Variants in HTR2C observed in about 807,000 individuals in gnomAD.
HTR2C encodes 5-hydroxytryptamine (serotonin) receptor 2C, G protein-coupled.
Under a neutral mutation model 21.0 loss-of-function variants are expected in HTR2C, and 5 were observed. The ratio of observed to expected loss-of-function variants is 0.24; its 90% CI spans 0.12 to 0.50. The LOEUF (loss-of-function observed/expected upper bound fraction) is 0.50, where lower values mean the gene tolerates loss of function less well. HTR2C is among the 20% of genes least tolerant of loss of function. The pLI is 0.98. For missense variants in HTR2C, 271 were observed against 371.2 expected (o/e 0.73, Z 2.22); for synonymous variants, 150 against 145.3 (o/e 1.03, Z -0.23).
intron 4 of HTR2C, among the ~76,000 whole-genome samples, chrX:114,830,914 T>C (rs1556460607): frequency 2.6e-5 from 2 of 78,002 alleles, no homozygotes. Context: ...GATCTCATTG[T>C]TCAATTCCCA....
intron 4 of HTR2C, among the ~76,000 whole-genome samples, chrX:114,846,029 A>G (rs1268985347): frequency 5.4e-5 from 6 of 110,824 alleles, no homozygotes; most frequent in Non-Finnish European, 7.6e-5. Flanking sequence ...AATTAAAAGG[A>G]TTATAAAACA....
At position 114,883,347 on chromosome X, in the gene HTR2C, A is replaced by G. The variant is rs782082294; in HGVS notation, c.551-23242A>G. Among the ~76,000 whole-genome samples, 55 of 110,338 alleles carry G rather than the reference A, an allele frequency of 5.0e-4. 1 individual carries two copies. Among genetic ancestry groups the G allele is most frequent in the African/African-American group, 1.6e-3 (48 of 30,625 alleles). On this transcript the variant is annotated intron_variant, in intron 5 of 5. Transcript: ENST00000276198. ...TGGTCAATCTAACCAAAAGATTGTCAATCTTGTTGAGCTTTTCAAGAGTCA... is the reference window on the plus strand; with the variant it reads ...TGGTCAATCTAACCAAAAGATTGTCGATCTTGTTGAGCTTTTCAAGAGTCA...
intron 5 of HTR2C, among the ~76,000 whole-genome samples, chrX:114,902,588 T>C (rs1158491819): frequency 5.4e-5 from 6 of 110,516 alleles, no homozygotes; most frequent in African/African-American, 2.0e-4. Context: ...TGTTTTACAG[T>C]TTTGAAAATT....
chrX:114,640,096 T>A (rs1930036128), intron 2 of HTR2C, among the ~76,000 whole-genome samples: 2 of 111,629 alleles, frequency 1.8e-5, no homozygotes, highest in African/African-American at 6.5e-5. Context: ...CATTTTTTGT[T>A]CGACACATAT....
At chrX:114,791,706 A>G (rs782388053) in intron 4 of HTR2C, among the ~76,000 whole-genome samples, 15 of 111,482 alleles carry the variant, frequency 1.3e-4, no homozygotes, top group African/African-American at 3.9e-4. Context: ...AACAAAAAGC[A>G]TAGTACTTAC....
chrX:114,894,265 C>T (rs888183872), intron 5 of HTR2C, among the ~76,000 whole-genome samples: 3 of 111,563 alleles, frequency 2.7e-5, no homozygotes, highest in African/African-American at 6.5e-5. Flanking sequence ...ATATATCAAA[C>T]GTTTATCAAC....
chrX:114,630,252 T>G (rs1364272951), intron 2 of HTR2C, among the ~76,000 whole-genome samples: 1 of 112,002 alleles, frequency 8.9e-6, no homozygotes, highest in Non-Finnish European at 1.9e-5. Flanking sequence ...AAAGCAACTT[T>G]TCTTTTGTAA....
At chrX:114,806,833 CCA>C (rs1172226634) in intron 4 of HTR2C, among the ~76,000 whole-genome samples, 1 of 98,361 alleles carries the variant, frequency 1.0e-5, no homozygotes, top group African/African-American at 3.7e-5. Flanking sequence ...TATATATACA[CCA>C]CATATATACA....
intron 4 of HTR2C, among the ~76,000 whole-genome samples, chrX:114,806,551 C>A (rs150665572): frequency 0.54 from 31,678 of 58,286 alleles, 8,661 homozygotes; most frequent in East Asian, 0.82. Flanking sequence ...CGTATATATA[C>A]CATATATACC....
At chrX:114,809,834 A>G (rs2070514764) in intron 4 of HTR2C, among the ~76,000 whole-genome samples, 2 of 111,058 alleles carry the variant, frequency 1.8e-5, no homozygotes, top group South Asian at 7.7e-4. Context: ...CCTTTCCTCA[A>G]TCAGAAAGAG....
At chrX:114,835,496 A>G in intron 4 of HTR2C, among the ~76,000 whole-genome samples, 2 of 109,186 alleles carry the variant, frequency 1.8e-5, no homozygotes, top group Non-Finnish European at 3.8e-5. Flanking sequence ...AGTTGATCGC[A>G]TCGGCTCCTG....
At chrX:114,762,891 T>C (rs782208800) in intron 4 of HTR2C, among the ~76,000 whole-genome samples, 23 of 112,213 alleles carry the variant, frequency 2.0e-4, no homozygotes, top group Non-Finnish European at 3.8e-4. Context: ...ACCCCTGTGC[T>C]AACAAAGGTC....
chrX:114,725,797 G>A (rs1397951362), intron 2 of HTR2C, among the ~76,000 whole-genome samples: 1 of 111,010 alleles, frequency 9.0e-6, no homozygotes, highest in African/African-American at 3.3e-5. Flanking sequence ...GTCTGCCCCT[G>A]CTAGGGGGTG....
Position 114,812,665 on chromosome X carries a change from G to T in HTR2C, c.350-35338G>T, listed in dbSNP as rs781857163. On this transcript the variant is annotated intron_variant, in intron 4 of 5. Transcript: ENST00000276198. ...AATTGCTTGAACCCAAGAGGTGGAG[G>T]TTACAGTGACCCGAGATTGCGCCAC... 7.9e-4 allele frequency among the ~76,000 whole-genome samples: 87 copies of T among 109,741 alleles called. 1 individual carries two copies. The highest frequency in any genetic ancestry group is 1.3e-3 in the Non-Finnish European group (68 of 52,731).
chrX:114,871,262 G>T (rs1602899213), intron 5 of HTR2C, among the ~76,000 whole-genome samples: 1 of 111,197 alleles, frequency 9.0e-6, no homozygotes, highest in East Asian at 2.8e-4. Context: ...TTAATTTCTA[G>T]TTTTATTCTA....
intron 4 of HTR2C, among the ~76,000 whole-genome samples, chrX:114,787,652 A>C (rs981741486): frequency 8.9e-6 from 1 of 112,040 alleles, no homozygotes; most frequent in Admixed American, 9.4e-5. Context: ...ACTAAATTAG[A>C]AGTCTTCAAA....
chrX:114,766,958 G>A (rs1403720381), intron 4 of HTR2C, among the ~76,000 whole-genome samples: 3 of 111,277 alleles, frequency 2.7e-5, no homozygotes, highest in Non-Finnish European at 5.7e-5. Flanking sequence ...TAAAGGAAGA[G>A]CATCAACAAG....
intron 2 of HTR2C, among the ~76,000 whole-genome samples, chrX:114,705,902 T>G (rs1932758914): frequency 1.7e-5 from 1 of 60,396 alleles, no homozygotes; most frequent in African/African-American, 5.5e-5. Context: ...GCGAAGGACA[T>G]GAACAGACAC....
intron 5 of HTR2C, among the ~76,000 whole-genome samples, chrX:114,875,657 C>A (rs2071127711): frequency 9.0e-6 from 1 of 110,592 alleles, no homozygotes; most frequent in South Asian, 3.8e-4. Context: ...AAGAGAGAAC[C>A]CTGTCCCCAT....
Sources: gnomAD v4.1 joint callset for allele counts (sites outside exome capture counted in the v4.1 genomes callset) on GRCh38, gnomAD v4.1.1 for gene constraint, MANE v1.5 for transcripts, NCBI Gene and HGNC (gene_info 2026-07-23, HGNC 2026-07-21) for gene names.